Variants in TENM2 observed in about 807,000 individuals in gnomAD.
TENM2 encodes teneurin transmembrane protein 2, also known as teneurin-2.
Under a neutral mutation model 245.2 loss-of-function variants are expected in TENM2, and 52 were observed. That is an observed-to-expected ratio of 0.21 (90% CI 0.17 to 0.27). TENM2 has a LOEUF of 0.27. TENM2 is among the 10% of genes least tolerant of loss of function. The probability of loss-of-function intolerance (pLI) is 1.00; values close to 1 mark genes in which losing one functional copy is unlikely to be tolerated. For synonymous variants in TENM2, 1,363 were observed against 1,438.9 expected (o/e 0.95, Z 1.19); for missense variants, 3,046 against 3,666.8 (o/e 0.83, Z 4.37).
intron 2 of TENM2, among the ~76,000 whole-genome samples, chr5:167,685,742 AGGT>A (rs1466403407): frequency 6.6e-6 from 1 of 152,210 alleles, no homozygotes; most frequent in Non-Finnish European, 1.5e-5. Flanking sequence ...AGTCTGTGGT[AGGT>A]GGTAAAAAAA....
the TENM2 span, among the ~76,000 whole-genome samples, chr5:167,027,783 A>C: frequency 1.6e-3 from 242 of 152,274 alleles, no homozygotes; most frequent in African/African-American, 5.4e-3. Context: ...TCCATATAAA[A>C]TTTTACATAA....
At chr5:167,712,483 C>G (rs1015785663) in intron 2 of TENM2, among the ~76,000 whole-genome samples, 3 of 152,180 alleles carry the variant, frequency 2.0e-5, no homozygotes, top group Non-Finnish European at 4.4e-5. Context: ...ATGTAGCTGT[C>G]TAACTTGGTC....
At chr5:167,286,496 C>T (rs1211896208) in intron 1 of TENM2, among the ~76,000 whole-genome samples, 1 of 152,152 alleles carries the variant, frequency 6.6e-6, no homozygotes, top group African/African-American at 2.4e-5. Context: ...GCTTAATTAA[C>T]TGAGAGAGAG....
At chr5:167,704,787 A>G (rs922051531) in intron 2 of TENM2, among the ~76,000 whole-genome samples, 1 of 151,984 alleles carries the variant, frequency 6.6e-6, no homozygotes, top group African/African-American at 2.4e-5. Flanking sequence ...ATTTTTGTGC[A>G]TTATCTTTAG....
At chr5:167,032,555 T>A in the TENM2 span, among the ~76,000 whole-genome samples, 1 of 152,184 alleles carries the variant, frequency 6.6e-6, no homozygotes, top group Non-Finnish European at 1.5e-5. Flanking sequence ...CAGCTATGAA[T>A]ATTGTAATGT....
chr5:167,663,449 T>G (rs545249940), intron 2 of TENM2, among the ~76,000 whole-genome samples: 1 of 152,212 alleles, frequency 6.6e-6, no homozygotes, highest in Admixed American at 6.5e-5. Flanking sequence ...GAATAAACTC[T>G]TTTTCTCTGT....
the TENM2 span, among the ~76,000 whole-genome samples, chr5:167,114,992 G>A: frequency 2.6e-4 from 40 of 152,316 alleles, 1 homozygote; most frequent in South Asian, 7.3e-3. Context: ...GAAGTAAAGG[G>A]CATTAGCATC....
chr5:167,819,377 T>A (rs1362351205), intron 2 of TENM2, among the ~76,000 whole-genome samples: 1 of 152,192 alleles, frequency 6.6e-6, no homozygotes, highest in Non-Finnish European at 1.5e-5. Context: ...GGGATGCATG[T>A]TCAGGAGAAG....
At chr5:167,631,546 T>C (rs1778874482) in intron 2 of TENM2, among the ~76,000 whole-genome samples, 1 of 152,048 alleles carries the variant, frequency 6.6e-6, no homozygotes, top group African/African-American at 2.4e-5. Flanking sequence ...GTGCAGGCCT[T>C]AGCATGGAAT....
chr5:167,699,842 C>G (rs1758022202), intron 2 of TENM2, among the ~76,000 whole-genome samples: 1 of 152,162 alleles, frequency 6.6e-6, no homozygotes, highest in African/African-American at 2.4e-5. Context: ...CCCAACAATC[C>G]TATGTAGTAG....
rs1279097859 is a variant in TENM2, at chr5:167,350,579, A to C, written c.227-24619A>C. On this transcript the variant is annotated intron_variant, in intron 1 of 28. Coordinates refer to ENST00000518659, the Ensembl canonical transcript of TENM2. ...ATATATGGGATATATATAGATATAT[A>C]TATGGGATATATATATATGGATATA... is the stretch of plus-strand genomic sequence containing the variant. Among the ~76,000 whole-genome samples the C allele has an allele frequency of 2.7e-5, 4 of 146,780 alleles. No individual in the cohort carries two copies. In the Admixed American group the frequency reaches 2.8e-4, roughly 10 times the overall value.
intron 2 of TENM2, among the ~76,000 whole-genome samples, chr5:167,666,723 T>C (rs988462135): frequency 6.6e-6 from 1 of 152,214 alleles, no homozygotes; most frequent in African/African-American, 2.4e-5. Flanking sequence ...ATATTCATTC[T>C]TCTGTATCTG....
At chr5:167,575,571 AG>A (rs1440253245) in intron 2 of TENM2, among the ~76,000 whole-genome samples, 3 of 152,180 alleles carry the variant, frequency 2.0e-5, no homozygotes, top group African/African-American at 7.2e-5. Context: ...TGAGGACATC[AG>A]AAACTGCTGA....
chr5:168,211,956 C>A (rs1762831822), intron 20 of TENM2, among the ~76,000 whole-genome samples: 1 of 152,140 alleles, frequency 6.6e-6, no homozygotes, highest in African/African-American at 2.4e-5. Context: ...ACCAAATAAG[C>A]TGACAGTAAT....
At chr5:167,331,235 CAAAAAAAAA>C (rs34787036) in intron 1 of TENM2, among the ~76,000 whole-genome samples, 1 of 85,610 alleles carries the variant, frequency 1.2e-5, no homozygotes, top group East Asian at 3.3e-4. Flanking sequence ...GACTCTGTCT[CAAAAAAAAA>C]AAAAAAAAAG....
chr5:167,737,802 C>G (rs898514606), intron 2 of TENM2, among the ~76,000 whole-genome samples: 8 of 152,196 alleles, frequency 5.3e-5, no homozygotes, highest in African/African-American at 1.9e-4. Flanking sequence ...TATCAGGGTT[C>G]TTTGTCTCAC....
At chr5:167,771,325 C>T (rs1209235637) in intron 2 of TENM2, among the ~76,000 whole-genome samples, 1 of 152,124 alleles carries the variant, frequency 6.6e-6, no homozygotes, top group Non-Finnish European at 1.5e-5. Context: ...TTGGAATAAT[C>T]CAGTTCATGC....
intron 5 of TENM2, among the ~76,000 whole-genome samples, chr5:168,004,073 C>T (rs554898614): frequency 6.6e-6 from 1 of 152,268 alleles, no homozygotes; most frequent in South Asian, 2.1e-4. Context: ...TTGGGGGTTC[C>T]AAATCGCCTT....
intron 2 of TENM2, among the ~76,000 whole-genome samples, chr5:167,537,062 T>G (rs1214766678): frequency 1.3e-5 from 2 of 151,952 alleles, no homozygotes; most frequent in Non-Finnish European, 2.9e-5. Context: ...AGTACAAAGT[T>G]TAGCATGCTG....
Sources: gnomAD v4.1 joint callset for allele counts (sites outside exome capture counted in the v4.1 genomes callset) on GRCh38, gnomAD v4.1.1 for gene constraint, MANE v1.5 for transcripts, NCBI Gene and HGNC (gene_info 2026-07-23, HGNC 2026-07-21) for gene names.